Variants in DOCK3 observed in about 807,000 individuals in gnomAD.
The protein encoded by DOCK3 is dedicator of cytokinesis 3.
DOCK3 carries 60 observed loss-of-function variants against 265.6 expected under a neutral mutation model. The ratio of observed to expected loss-of-function variants is 0.23; its 90% confidence interval spans 0.18 to 0.28. The LOEUF is 0.28. DOCK3 is among the 10% of genes least tolerant of loss of function. The probability of loss-of-function intolerance (pLI) is 1.00; values close to 1 mark genes in which losing one functional copy is unlikely to be tolerated. For missense variants in DOCK3, 1,981 were observed against 2,594.3 expected (o/e 0.76, Z 5.14); for synonymous variants, 881 against 938.0 (o/e 0.94, Z 1.11).
intron 2 of DOCK3, chr3:50,787,844 G>T: frequency 2.7e-6 from 3 of 1,111,848 alleles, no homozygotes. Context: ...TTTAAGAACA[G>T]GAGTCTCTTT....
chr3:50,918,260 G>T (rs566192802), intron 4 of DOCK3, among the ~76,000 whole-genome samples: 4 of 152,116 alleles, frequency 2.6e-5, no homozygotes, highest in African/African-American at 9.6e-5. Flanking sequence ...TTTATAATCC[G>T]TTGGATATAT....
At chr3:51,152,862 C>G (rs1191646157) in intron 10 of DOCK3, among the ~76,000 whole-genome samples, 1 of 152,198 alleles carries the variant, frequency 6.6e-6, no homozygotes. Flanking sequence ...CTGATCCTTC[C>G]TCTGGAGGCT....
intron 2 of DOCK3, among the ~76,000 whole-genome samples, chr3:50,792,465 T>C (rs1406342239): frequency 6.6e-6 from 1 of 152,186 alleles, no homozygotes; most frequent in Non-Finnish European, 1.5e-5. Flanking sequence ...TGCCTAATTG[T>C]TCTGGAAAGG....
chr3:50,975,537 T>G (rs372461611), intron 5 of DOCK3, among the ~76,000 whole-genome samples: 9 of 151,278 alleles, frequency 5.9e-5, no homozygotes, highest in East Asian at 3.9e-4. Flanking sequence ...GCTGGATTCG[T>G]TTTGCCAGTA....
At chr3:50,879,726 A>G (rs2047927271) in intron 3 of DOCK3, among the ~76,000 whole-genome samples, 1 of 152,132 alleles carries the variant, frequency 6.6e-6, no homozygotes, top group African/African-American at 2.4e-5. Flanking sequence ...GATCAACGAG[A>G]CAGAAAGTTA....
At chr3:51,125,625 A>G (rs2084231839) in intron 9 of DOCK3, among the ~76,000 whole-genome samples, 1 of 152,198 alleles carries the variant, frequency 6.6e-6, no homozygotes, top group South Asian at 2.1e-4. Context: ...AATAAATATA[A>G]ATATGTATAT....
intron 12 of DOCK3, among the ~76,000 whole-genome samples, chr3:51,173,877 TC>T (rs2107654978): frequency 6.6e-6 from 1 of 152,310 alleles, no homozygotes; most frequent in South Asian, 2.1e-4. Flanking sequence ...AGCCAATATT[TC>T]TTTAAATTTT....
chr3:51,057,713 AT>A (rs2081257707), intron 5 of DOCK3, among the ~76,000 whole-genome samples: 1 of 152,152 alleles, frequency 6.6e-6, no homozygotes, highest in African/African-American at 2.4e-5. Flanking sequence ...TGTCGGAGCA[AT>A]GTTGGTGGAG....
Position 51,214,142 on chromosome 3 carries a change from C to T in DOCK3, c.1147C>T (p.Leu383Phe). ...TGCAGGTCTTATCATTTCTCTGCAG[C>T]TTCTTCGTGGAGACATGGAACAGAT... ...ASHGLIISLQ[L>F]LRGDMEQIRR... The change falls in exon 14 of 53, where the codon CTT (leucine) becomes TTT (phenylalanine). Residue 383 changes from leucine to phenylalanine, a missense_variant. Leu to Phe is a conservative substitution (Grantham distance 22). Transcript: ENST00000266037. 6.2e-7 allele frequency: 1 copy of T among 1,613,790 alleles called. No homozygotes were observed. Among genetic ancestry groups the T allele is most frequent in the Non-Finnish European group, 8.5e-7 (1 of 1,179,822 alleles).
chr3:51,219,518 G>A (rs902117574), intron 14 of DOCK3, among the ~76,000 whole-genome samples: 1 of 152,172 alleles, frequency 6.6e-6, no homozygotes, highest in African/African-American at 2.4e-5. Flanking sequence ...GAAGAAACTG[G>A]AGACATATTG....
chr3:50,905,997 C>G (rs978198207), intron 4 of DOCK3, among the ~76,000 whole-genome samples: 1 of 151,896 alleles, frequency 6.6e-6, no homozygotes, highest in African/African-American at 2.4e-5. Flanking sequence ...TGTCAAAGGC[C>G]TTTTCTGCAT....
chr3:50,940,857 A>G (rs2076272220), intron 5 of DOCK3, among the ~76,000 whole-genome samples: 1 of 152,170 alleles, frequency 6.6e-6, no homozygotes, highest in South Asian at 2.1e-4. Flanking sequence ...ATGGTGTTGG[A>G]ATAGTTGGAT....
intron 9 of DOCK3, among the ~76,000 whole-genome samples, chr3:51,092,890 T>G (rs1055053340): frequency 2.0e-5 from 3 of 152,222 alleles, no homozygotes; most frequent in Non-Finnish European, 2.9e-5. Context: ...TGCAGTTTTC[T>G]GCATATGGCT....
chr3:50,891,392 C>T (rs974477092), intron 4 of DOCK3, among the ~76,000 whole-genome samples: 5 of 152,062 alleles, frequency 3.3e-5, no homozygotes, highest in African/African-American at 9.7e-5. Context: ...TAGCATACTT[C>T]TTATTCTTCC....
chr3:51,101,113 C>CT (rs59972198), intron 9 of DOCK3, among the ~76,000 whole-genome samples: 104,452 of 122,548 alleles, frequency 0.85, 44,973 homozygotes, highest in East Asian at 0.91. Flanking sequence ...CTTAGTCTTT[C>CT]TTTTTTTTTT....
At chr3:51,199,876 G>A (rs1237837582) in intron 12 of DOCK3, among the ~76,000 whole-genome samples, 14 of 152,150 alleles carry the variant, frequency 9.2e-5, no homozygotes, top group African/African-American at 3.1e-4. Context: ...CGCGGTTCAC[G>A]AAAAACCACT....
intron 21 of DOCK3, among the ~76,000 whole-genome samples, chr3:51,239,098 T>C (rs968230483): frequency 2.0e-5 from 3 of 152,246 alleles, no homozygotes; most frequent in African/African-American, 7.2e-5. Context: ...CATTCATTTT[T>C]CTCTGCAACC....
At chr3:50,965,633 A>C (rs2077005682) in intron 5 of DOCK3, among the ~76,000 whole-genome samples, 1 of 152,162 alleles carries the variant, frequency 6.6e-6, no homozygotes, top group African/African-American at 2.4e-5. Context: ...ATATCTATCA[A>C]ATAAAACTAA....
At chr3:51,253,927 C>T (rs143565703) in intron 22 of DOCK3, among the ~76,000 whole-genome samples, 54 of 152,158 alleles carry the variant, frequency 3.5e-4, no homozygotes, top group African/African-American at 1.3e-3. Flanking sequence ...AGTGTTTGCT[C>T]TTGCTTCTCT....
Sources: gnomAD v4.1 joint callset for allele counts (sites outside exome capture counted in the v4.1 genomes callset) on GRCh38, gnomAD v4.1.1 for gene constraint, MANE v1.5 for transcripts, NCBI Gene and HGNC (gene_info 2026-07-23, HGNC 2026-07-21) for gene names.